Variants in SAMD4A observed in about 807,000 individuals in gnomAD.
SAMD4A encodes protein Smaug homolog 1.
In SAMD4A, 33 loss-of-function variants were observed where a neutral mutation model predicts 81.3. The observed-to-expected ratio is 0.41, with a 90% CI of 0.31 to 0.54. The LOEUF (loss-of-function observed/expected upper bound fraction) is 0.54. SAMD4A is among the 20% of genes least tolerant of loss of function. The pLI is 0.37. For synonymous variants in SAMD4A, 389 were observed against 382.1 expected (o/e 1.02, Z -0.21); for missense variants, 854 against 951.1 (o/e 0.90, Z 1.34).
At chr14:54,735,310 G>A (rs1371937581) in intron 3 of SAMD4A, among the ~76,000 whole-genome samples, 1 of 150,182 alleles carries the variant, frequency 6.7e-6, no homozygotes, top group Non-Finnish European at 1.5e-5. Flanking sequence ...TTTTTAAATA[G>A]TTTCTTCCCG....
At chr14:54,646,800 T>C (rs2140406269) in intron 2 of SAMD4A, among the ~76,000 whole-genome samples, 1 of 152,362 alleles carries the variant, frequency 6.6e-6, no homozygotes, top group South Asian at 2.1e-4. Context: ...TTCAAATTTT[T>C]AAAAAGACTA....
At chr14:54,641,037 C>T (rs150045964) in intron 2 of SAMD4A, among the ~76,000 whole-genome samples, 1 of 152,292 alleles carries the variant, frequency 6.6e-6, no homozygotes, top group African/African-American at 2.4e-5. Flanking sequence ...TCAATAAAAG[C>T]TCGGCTGTTC....
intron 2 of SAMD4A, among the ~76,000 whole-genome samples, chr14:54,624,614 T>C (rs928894739): frequency 1.3e-5 from 2 of 152,258 alleles, no homozygotes; most frequent in Admixed American, 6.5e-5. Flanking sequence ...TGCTGTCTCC[T>C]CTCTGAGTTG....
intron 2 of SAMD4A, among the ~76,000 whole-genome samples, chr14:54,673,495 A>T (rs1356920251): frequency 6.6e-6 from 1 of 152,196 alleles, no homozygotes; most frequent in Non-Finnish European, 1.5e-5. Context: ...CAGCGTCAGC[A>T]TAGCGGGCTG....
chr14:54,754,048 C>G (rs934190116), intron 6 of SAMD4A, among the ~76,000 whole-genome samples: 4 of 152,152 alleles, frequency 2.6e-5, no homozygotes, highest in African/African-American at 4.8e-5. Context: ...TCTGGAGCAG[C>G]CTTGAGGATT....
At chr14:54,626,522 G>C (rs1172653296) in intron 2 of SAMD4A, among the ~76,000 whole-genome samples, 1 of 152,162 alleles carries the variant, frequency 6.6e-6, no homozygotes, top group Admixed American at 6.5e-5. Context: ...TCGGTACCTT[G>C]TGGATACGTT....
At chr14:54,777,837 C>A (rs2038898360) in intron 11 of SAMD4A, among the ~76,000 whole-genome samples, 1 of 152,164 alleles carries the variant, frequency 6.6e-6, no homozygotes, top group South Asian at 2.1e-4. Flanking sequence ...TTTTAAAGCT[C>A]CTTTTCTCTA....
Position 54,764,522 on chromosome 14 carries a change from C to T in SAMD4A, c.1578C>T (p.Asp526=), listed in dbSNP as rs1218125528. 6.2e-7 allele frequency: 1 copy of T among 1,610,640 alleles called. No homozygotes were observed. Among genetic ancestry groups the T allele is most frequent in the East Asian group, 2.2e-5 (1 of 44,862 alleles). Residue 526 remains aspartate, a synonymous_variant, in exon 8 of 13, where the codon GAC becomes GAT. Coordinates refer to ENST00000554335, the MANE Select transcript of SAMD4A (RefSeq NM_015589.6). ...ENISSYLQLI[D]KCLIHEAFTE... is the part of the protein sequence containing the mutation. The stretch of plus-strand genomic sequence containing the variant: ...TAAGTTCCTATTTACAGCTCATAGA[C>T]AAGTGTCTAATTCATGAGGTGAGTA...
Position 54,760,480 on chromosome 14 carries a change from G to C in SAMD4A, c.1496G>C (p.Arg499Pro). ...PEGDLPGQFT[R>P]VMGKVCTQLL... Reference sequence around the variant, plus strand: ...GGGGACCTCCCCGGGCAGTTCACACGCGTCATGGGGAAAGGTAGAGCCTCA... The same window carrying C: ...GGGGACCTCCCCGGGCAGTTCACACCCGTCATGGGGAAAGGTAGAGCCTCA... The change falls in exon 7 of 13, where the codon CGC becomes CCC. Residue 499 changes from arginine (R) to proline (P), a missense_variant. This residue lies in a region of SAMD4A where 428 missense variants were observed against 471.2 expected (regional missense o/e 0.91). Coordinates refer to ENST00000554335, the MANE Select transcript of SAMD4A (RefSeq NM_015589.6). 1 of 1,401,464 alleles carries C rather than the reference G, an allele frequency of 7.1e-7. No individual in the cohort carries two copies. Among genetic ancestry groups the C allele is most frequent in the Non-Finnish European group, 9.2e-7 (1 of 1,086,116 alleles). The allele number at this position is 1,401,464 out of a possible 1,614,324, so 86.8% of individuals were successfully genotyped here.
intron 2 of SAMD4A, among the ~76,000 whole-genome samples, chr14:54,610,950 T>C (rs2034336069): frequency 6.6e-6 from 1 of 152,250 alleles, no homozygotes; most frequent in Non-Finnish European, 1.5e-5. Flanking sequence ...TACATTTTTT[T>C]CTGAGGTTTC....
intron 2 of SAMD4A, among the ~76,000 whole-genome samples, chr14:54,618,052 T>C (rs532372024): frequency 2.6e-5 from 4 of 152,350 alleles, no homozygotes; most frequent in African/African-American, 9.6e-5. Flanking sequence ...TTGCAATTGA[T>C]TGTGCCCAAA....
chr14:54,566,025 C>A (rs1053418359), upstream of SAMD4A, among the ~76,000 whole-genome samples: 1 of 152,110 alleles, frequency 6.6e-6, no homozygotes, highest in Non-Finnish European at 1.5e-5. Flanking sequence ...TCCTCTCCCC[C>A]CGCTCGGGCG....
chr14:54,611,376 T>A (rs2034350776), intron 2 of SAMD4A, among the ~76,000 whole-genome samples: 1 of 152,116 alleles, frequency 6.6e-6, no homozygotes, highest in Admixed American at 6.6e-5. Flanking sequence ...GCCTTCCGAG[T>A]GGGCAGAAAT....
At chr14:54,621,823 GT>G (rs1048786914) in intron 2 of SAMD4A, among the ~76,000 whole-genome samples, 3 of 152,176 alleles carry the variant, frequency 2.0e-5, no homozygotes, top group East Asian at 1.9e-4. Flanking sequence ...AAATCTTCTG[GT>G]TTTGTAAGTG....
chr14:54,582,805 CT>C (rs200443366), intron 2 of SAMD4A, among the ~76,000 whole-genome samples: 2,170 of 152,234 alleles, frequency 0.014, 46 homozygotes, highest in African/African-American at 0.044. Flanking sequence ...ATGCAGAAGT[CT>C]TTTAGGGATG....
upstream of SAMD4A, among the ~76,000 whole-genome samples, chr14:54,566,649 T>G (rs2032944520): frequency 6.6e-6 from 1 of 151,660 alleles, no homozygotes; most frequent in Non-Finnish European, 1.5e-5. Context: ...GCGGGGCGTG[T>G]GCCCAGCGCT....
intron 2 of SAMD4A, among the ~76,000 whole-genome samples, chr14:54,611,100 T>C (rs1391516924): frequency 6.6e-6 from 1 of 152,194 alleles, no homozygotes; most frequent in African/African-American, 2.4e-5. Flanking sequence ...TGTACTTTAG[T>C]TTATAAAAGG....
At chr14:54,603,923 C>T (rs1359657620) in intron 2 of SAMD4A, among the ~76,000 whole-genome samples, 1 of 152,150 alleles carries the variant, frequency 6.6e-6, no homozygotes, top group African/African-American at 2.4e-5. Flanking sequence ...CTCCCGGGTT[C>T]AAGCGATTTT....
chr14:54,778,839 A>C (rs1054423713), intron 11 of SAMD4A, among the ~76,000 whole-genome samples: 5 of 152,202 alleles, frequency 3.3e-5, no homozygotes, highest in African/African-American at 1.2e-4. Context: ...CATAAAGGGC[A>C]TGATAGGGCA....
Sources: allele counts gnomAD v4.1 joint callset (sites outside exome capture counted in the v4.1 genomes callset), GRCh38; gene constraint gnomAD v4.1.1; regional missense constraint gnomAD v4.1.1; transcripts MANE v1.5; gene names NCBI Gene and HGNC (gene_info 2026-07-23, HGNC 2026-07-21).